ICA1: variants seen among roughly 807,000 people sequenced by gnomAD.
ICA1 encodes 69 kDa islet cell autoantigen.
Under a neutral mutation model 71.0 loss-of-function variants are expected in ICA1, and 40 were observed. The ratio of observed to expected loss-of-function variants is 0.56; its 90% confidence interval spans 0.44 to 0.73. The LOEUF is 0.73. ICA1 is among the 30% of genes least tolerant of loss of function. The pLI is 0.00. For synonymous variants in ICA1, 207 were observed against 209.5 expected, an observed-to-expected ratio of 0.99 and a Z score of 0.10; for missense variants, 578 against 576.5, an observed-to-expected ratio of 1.00 and a Z score of -0.03.
intron 6 of ICA1, among the ~76,000 whole-genome samples, chr7:8,191,230 T>A (rs748882613): frequency 3.3e-5 from 5 of 152,240 alleles, no homozygotes; most frequent in Non-Finnish European, 7.4e-5. Context: ...CAAAGAATCA[T>A]GCTGGCACAT....
Position 8,221,341 on chromosome 7 carries a change from T to G in ICA1, c.314A>C (p.Asp105Ala), listed in dbSNP as rs371321212. The G allele has an allele frequency of 8.7e-6, 14 of 1,613,630 alleles. No homozygotes were observed. The highest frequency in any genetic ancestry group is 1.7e-6 in the Non-Finnish European group (2 of 1,179,746). Residue 105 changes from aspartate to alanine, a missense_variant, in exon 5 of 14, where the codon GAT (aspartate) becomes GCT (alanine). Asp to Ala is a moderately radical substitution (Grantham distance 126, BLOSUM62 -2). Coordinates refer to ENST00000402384, the MANE Select transcript of ICA1 (RefSeq NM_001136020.3). ...GKFLRSQGFQDKTRAGKMMQA... is the reference protein window; with the variant it reads ...GKFLRSQGFQAKTRAGKMMQA... ...CATCATCTTTCCTGCTCTGGTTTTATCTTGGAAACCTTGGGATCGAAGAAA... is the reference window on the plus strand; with the variant it reads ...CATCATCTTTCCTGCTCTGGTTTTAGCTTGGAAACCTTGGGATCGAAGAAA...
At chr7:8,120,708 C>T (rs186031299) in intron 13 of ICA1, among the ~76,000 whole-genome samples, 1 of 152,296 alleles carries the variant, frequency 6.6e-6, no homozygotes, top group African/African-American at 2.4e-5. Flanking sequence ...ATGTGCTACC[C>T]ATTTGCAGGA....
intron 8 of ICA1, among the ~76,000 whole-genome samples, chr7:8,146,462 G>C (rs758782099): frequency 2.0e-5 from 3 of 152,066 alleles, no homozygotes; most frequent in Non-Finnish European, 2.9e-5. Context: ...GGTCACATGG[G>C]GAGAACATTC....
At chr7:8,168,419 A>G (rs1343196761) in intron 6 of ICA1, among the ~76,000 whole-genome samples, 2 of 152,178 alleles carry the variant, frequency 1.3e-5, no homozygotes, top group Non-Finnish European at 2.9e-5. Flanking sequence ...TACTCATCTG[A>G]CAAATAAATA....
rs1003895569 is a variant in ICA1 at position 8,223,103 on chromosome 7, G to T, written c.257-1705C>A. Among the ~76,000 whole-genome samples, 3 of 152,084 alleles carry T rather than the reference G, an allele frequency of 2.0e-5. No homozygotes were observed. The highest frequency in any genetic ancestry group is 7.2e-5 in the African/African-American group (3 of 41,398). Reference sequence around the variant, plus strand: ...CTTTTTAAAATTCCTATAATTATAAGAAGGTTTTTTGTTTTTTAATACATT... The same window carrying T: ...CTTTTTAAAATTCCTATAATTATAATAAGGTTTTTTGTTTTTTAATACATT... On this transcript the variant is annotated intron_variant, in intron 4 of 13. Transcript: ENST00000402384. The surrounding 1 kb of genome is among the most constrained non-coding windows in gnomAD (Gnocchi z 4.1).
At position 8,234,205 on chromosome 7, in the gene ICA1, G is replaced by C. The variant is rs1050455361; in HGVS notation, c.18-1450C>G. 1.9e-4 allele frequency among the ~76,000 whole-genome samples: 29 copies of C among 152,100 alleles called. No homozygotes were observed. The highest frequency in any genetic ancestry group is 1.8e-3 in the Admixed American group (27 of 15,276). On this transcript the variant is annotated intron_variant, in intron 2 of 13. Coordinates refer to ENST00000402384, the MANE Select transcript of ICA1 (RefSeq NM_001136020.3). The surrounding 1 kb of genome is among the most constrained non-coding windows in gnomAD (Gnocchi z 4.5). ...CACTTCATCCTGGGATACGGGGCGA[G>C]ACCCTGTCCCTCAAAAAAGAAAAAA...
intron 6 of ICA1, among the ~76,000 whole-genome samples, chr7:8,183,189 C>T (rs1414263070): frequency 1.3e-5 from 2 of 152,184 alleles, no homozygotes; most frequent in African/African-American, 4.8e-5. Flanking sequence ...AGCTTAGCAA[C>T]CATCTGACAC....
At chr7:8,207,750 G>C (rs898595814) in intron 6 of ICA1, among the ~76,000 whole-genome samples, 1 of 152,170 alleles carries the variant, frequency 6.6e-6, no homozygotes, top group East Asian at 1.9e-4. Context: ...TGTTAGATTA[G>C]AATTACAGCA....
chr7:8,124,213 C>T (rs530493719), intron 13 of ICA1, among the ~76,000 whole-genome samples: 64 of 150,342 alleles, frequency 4.3e-4, no homozygotes, highest in African/African-American at 1.2e-3. Context: ...CTCCGCCTCC[C>T]GGGTTCACGC....
At chr7:8,153,311 A>T (rs1217571823) in intron 8 of ICA1, among the ~76,000 whole-genome samples, 1 of 152,208 alleles carries the variant, frequency 6.6e-6, no homozygotes, top group Non-Finnish European at 1.5e-5. Flanking sequence ...AGGCACTCTG[A>T]TCTCCTTAAA....
chr7:8,127,819 A>G, intron 13 of ICA1, 54 bp downstream of exon 13: 6 of 1,520,810 alleles, frequency 3.9e-6, no homozygotes, highest in Non-Finnish European at 5.3e-6. Context: ...TTTGGATTGA[A>G]AACAAAAAGA....
chr7:8,152,806 C>CCACCACCAT (rs1799827654), intron 8 of ICA1, among the ~76,000 whole-genome samples: 3 of 150,436 alleles, frequency 2.0e-5, no homozygotes, highest in Non-Finnish European at 4.4e-5. Context: ...TCCACCACCA[C>CCACCACCAT]CACCACCATC....
intron 6 of ICA1, among the ~76,000 whole-genome samples, chr7:8,161,748 G>C (rs911606170): frequency 6.6e-6 from 1 of 152,138 alleles, no homozygotes; most frequent in African/African-American, 2.4e-5. Flanking sequence ...GCCATTATCA[G>C]CAGAGACCCT....
rs137982659 is a variant in ICA1 at position 8,230,780 on chromosome 7, G to A, written c.183+1810C>T. On this transcript the variant is annotated intron_variant, in intron 3 of 13. Coordinates refer to ENST00000402384, the MANE Select transcript of ICA1 (RefSeq NM_001136020.3). ...CTTCCTGGTTCTACTTTCCTCCATT[G>A]CAGAAATCTCCATTAGAACATCCTT... Among the ~76,000 whole-genome samples, 9 of 152,218 alleles carry A rather than the reference G, an allele frequency of 5.9e-5. No homozygotes were observed. The East Asian group carries it at 1.4e-3, about 23-fold the overall frequency.
At chr7:8,203,698 G>A (rs1158580614) in intron 6 of ICA1, among the ~76,000 whole-genome samples, 2 of 152,178 alleles carry the variant, frequency 1.3e-5, no homozygotes, top group Non-Finnish European at 2.9e-5. Flanking sequence ...GTTCTTCACT[G>A]GAAATGTCTG....
intron 3 of ICA1, among the ~76,000 whole-genome samples, chr7:8,231,124 A>G (rs1800151172): frequency 6.6e-6 from 1 of 152,276 alleles, no homozygotes; most frequent in Non-Finnish European, 1.5e-5. Context: ...GACTCGAAAC[A>G]GCGTGACCTT....
intron 12 of ICA1, among the ~76,000 whole-genome samples, chr7:8,137,410 T>G (rs565866868): frequency 6.5e-4 from 99 of 152,244 alleles, no homozygotes; most frequent in Non-Finnish European, 1.1e-3. Flanking sequence ...TGTTTACTGG[T>G]AAGACTTGTT....
chr7:8,222,603 ACTG>A lies in ICA1; in HGVS notation c.257-1208_257-1206del, dbSNP rs1340520268. Among the ~76,000 whole-genome samples the A allele has an allele frequency of 6.6e-6, 1 of 152,190 alleles. No homozygotes were observed. The highest frequency in any genetic ancestry group is 1.5e-5 in the Non-Finnish European group (1 of 68,034). ...TCCAAAGGTGAAGGCTAAACTCGAT[ACTG>A]CTACCTTATTAATTTGTGACTATAG... On this transcript the variant is annotated intron_variant, in intron 4 of 13. Coordinates refer to ENST00000402384, the MANE Select transcript of ICA1 (RefSeq NM_001136020.3). This position sits in a 1 kb window ranked among gnomAD's most constrained non-coding sequence, Gnocchi z 4.8.
intron 8 of ICA1, among the ~76,000 whole-genome samples, chr7:8,154,387 CATTA>C (rs1260566572): frequency 2.0e-5 from 3 of 152,182 alleles, no homozygotes; most frequent in Non-Finnish European, 2.9e-5. Flanking sequence ...GTGTTTAACA[CATTA>C]ATTATCATCC....
Sources: gnomAD v4.1 joint callset for allele counts (sites outside exome capture counted in the v4.1 genomes callset) on GRCh38, gnomAD v4.1.1 for gene constraint, Gnocchi (gnomAD v3.1) non-coding constraint, MANE v1.5 for transcripts, NCBI Gene and HGNC (gene_info 2026-07-23, HGNC 2026-07-21) for gene names.